Variants in PADI2 observed in about 807,000 individuals in gnomAD.
PADI2 encodes the protein protein-arginine deiminase type-2.
Under a neutral mutation model 81.1 loss-of-function variants are expected in PADI2, and 70 were observed. That is an observed-to-expected ratio of 0.86 (90% confidence interval 0.71 to 1.05). The LOEUF is 1.05. Ranked by LOEUF, PADI2 falls within the 50% of genes least tolerant of loss-of-function variation. PADI2 has a pLI of 0.00. For missense variants in PADI2, 853 were observed against 889.9 expected (o/e 0.96, Z 0.53); for synonymous variants, 338 against 358.0 (o/e 0.94, Z 0.63).
Position 17,119,419 on chromosome 1 carries a change from C to A in PADI2, c.-48G>T. 3 of 1,406,060 alleles carry A rather than the reference C, an allele frequency of 2.1e-6. No individual in the cohort carries two copies. The highest frequency in any genetic ancestry group is 1.9e-6 in the Non-Finnish European group (2 of 1,039,954). 87.1% of individuals were successfully genotyped at this position (1,406,060 alleles called of 1,614,324 possible). The stretch of plus-strand genomic sequence containing the variant: ...CTCGCTGGTCCGGGGCGGCCGGGAG[C>A]ACCTGCAGCAGGTGCGCCTTCTCCA... On this transcript the variant is annotated 5_prime_UTR_variant, in exon 1 of 16. Transcript: ENST00000375486. This position sits in a 1 kb window ranked among gnomAD's most constrained non-coding sequence, Gnocchi z 4.8.
At chr1:17,080,669 C>T (rs1197685411) in intron 10 of PADI2, among the ~76,000 whole-genome samples, 1 of 152,246 alleles carries the variant, frequency 6.6e-6, no homozygotes, top group Non-Finnish European at 1.5e-5. Flanking sequence ...GAGGAAGCCT[C>T]AGAACCCTTC....
chr1:17,104,536 G>C (rs554081339), intron 2 of PADI2, among the ~76,000 whole-genome samples: 1 of 133,484 alleles, frequency 7.5e-6, no homozygotes, highest in South Asian at 2.6e-4. Flanking sequence ...CCGGGTTCAC[G>C]CCATTCTCCT....
chr1:17,099,955 A>C (rs1480049686), intron 3 of PADI2, among the ~76,000 whole-genome samples: 1 of 152,170 alleles, frequency 6.6e-6, no homozygotes, highest in Non-Finnish European at 1.5e-5. Context: ...CTTTCTGCTC[A>C]ATGTGGACTC....
chr1:17,086,760 G>T (rs976423149), intron 6 of PADI2, 61 bp from the exon 7 acceptor site: 1 of 1,467,172 alleles, frequency 6.8e-7, no homozygotes, highest in East Asian at 2.3e-5. Flanking sequence ...CGGTGGGGTG[G>T]GATCACCGAT....
Position 17,089,812 on chromosome 1 carries a change from T to C in PADI2, c.655+2596A>G, listed in dbSNP as rs190772994. Among the ~76,000 whole-genome samples, 11 of 152,342 alleles carry C rather than the reference T, an allele frequency of 7.2e-5. No individual in the cohort carries two copies. The East Asian group carries it at 1.7e-3, about 24-fold the overall frequency. ...CGCTCTATTGAGTGGTCCTCGTGCCTTGGGCTGGGCCCACTGACCACCGTG... is the reference window on the plus strand; with the variant it reads ...CGCTCTATTGAGTGGTCCTCGTGCCCTGGGCTGGGCCCACTGACCACCGTG... On this transcript the variant is annotated intron_variant, in intron 6 of 15. Transcript: ENST00000375486.
chr1:17,092,338 C>T, intron 6 of PADI2, 70 bp downstream of exon 6: 1 of 1,368,786 alleles, frequency 7.3e-7, no homozygotes, highest in Non-Finnish European at 1.0e-6. Flanking sequence ...CCTGTGAAGG[C>T]CACAACTGCT....
intron 12 of PADI2, 120 bp from the exon 13 acceptor site, chr1:17,075,069 G>A (rs968060918): frequency 2.5e-5 from 15 of 594,886 alleles, no homozygotes; most frequent in South Asian, 1.0e-4. Flanking sequence ...CTCCCATGCC[G>A]AGTGGCAAAG....
intron 14 of PADI2, 97 bp downstream of exon 14, chr1:17,071,309 C>A: frequency 1.2e-6 from 1 of 860,522 alleles, no homozygotes; most frequent in South Asian, 1.4e-5. Flanking sequence ...AGCTCCTGAG[C>A]CCTTGGCCAT....
chr1:17,080,654 G>A lies in PADI2; in HGVS notation c.1159-1239C>T, dbSNP rs1480984157. On this transcript the variant is annotated intron_variant, in intron 10 of 15. Coordinates refer to ENST00000375486, the MANE Select transcript of PADI2 (RefSeq NM_007365.3). ...CTCAACCTGCCAGACTTGCCACTGAGCCCAGAGGAAGCCTCAGAACCCTTC... is the reference window on the plus strand; with the variant it reads ...CTCAACCTGCCAGACTTGCCACTGAACCCAGAGGAAGCCTCAGAACCCTTC... 2.0e-5 allele frequency among the ~76,000 whole-genome samples: 3 copies of A among 152,322 alleles called. No individual in the cohort carries two copies. In the East Asian group the frequency reaches 5.8e-4, roughly 29 times the overall value.
chr1:17,110,176 C>T (rs1000324623), intron 1 of PADI2, among the ~76,000 whole-genome samples: 10 of 152,120 alleles, frequency 6.6e-5, no homozygotes, highest in East Asian at 1.9e-4. Flanking sequence ...CGCAGAAACC[C>T]GAGAGCCAGG....
At chr1:17,070,307 A>G in intron 14 of PADI2, 91 bp from the exon 15 acceptor site, 1 of 1,546,258 alleles carries the variant, frequency 6.5e-7, no homozygotes, top group South Asian at 1.2e-5. Context: ...GCACCAGGCC[A>G]GGGGCCCCGG....
chr1:17,075,549 C>T, intron 12 of PADI2, 130 bp downstream of exon 12: 1 of 834,562 alleles, frequency 1.2e-6, no homozygotes, highest in Non-Finnish European at 1.8e-6. Context: ...ACATGCAAAC[C>T]AGCTTCAGCC....
chr1:17,116,969 C>A (rs1215499154), intron 1 of PADI2, among the ~76,000 whole-genome samples: 1 of 152,198 alleles, frequency 6.6e-6, no homozygotes, highest in Non-Finnish European at 1.5e-5. Context: ...GTGATTTTGC[C>A]CCCTGCCAGG....
At chr1:17,114,237 C>A (rs997324505) in intron 1 of PADI2, among the ~76,000 whole-genome samples, 1 of 152,226 alleles carries the variant, frequency 6.6e-6, no homozygotes, top group Non-Finnish European at 1.5e-5. Flanking sequence ...GGGAGCTCAG[C>A]CCCATGACAG....
chr1:17,088,130 G>A (rs1310016152), intron 6 of PADI2, among the ~76,000 whole-genome samples: 1 of 152,054 alleles, frequency 6.6e-6, no homozygotes, highest in African/African-American at 2.4e-5. Context: ...GTTACTTGGG[G>A]TAGGGTGGGG....
Position 17,092,360 on chromosome 1 carries a change from G to A in PADI2, c.655+48C>T, listed in dbSNP as rs766691992. 14 of 1,510,180 alleles carry A rather than the reference G, an allele frequency of 9.3e-6. No homozygotes were observed. In the South Asian group the frequency reaches 1.5e-4, roughly 16 times the overall value. The allele number at this position is 1,510,180 out of a possible 1,614,324, so 93.5% of individuals were successfully genotyped here. Reference sequence around the variant, plus strand: ...AGGCCACAACTGCTAAGGGGAGGAGGGTAGGTGGCTAGAAAGGTCTAGGCT... The same window carrying A: ...AGGCCACAACTGCTAAGGGGAGGAGAGTAGGTGGCTAGAAAGGTCTAGGCT... On this transcript the variant is annotated intron_variant, in intron 6 of 15. Transcript: ENST00000375486.
chr1:17,089,260 C>A (rs778532357), intron 6 of PADI2, among the ~76,000 whole-genome samples: 8 of 152,212 alleles, frequency 5.3e-5, no homozygotes, highest in Non-Finnish European at 8.8e-5. Flanking sequence ...GTCCTGCTCA[C>A]CCAGAAACAA....
Position 17,109,402 on chromosome 1 carries a change from A to G in PADI2, c.93-4341T>C, listed in dbSNP as rs987417062. Among the ~76,000 whole-genome samples, 71 of 134,622 alleles carry G rather than the reference A, an allele frequency of 5.3e-4. 1 individual carries two copies. The highest frequency in any genetic ancestry group is 1.7e-3 in the African/African-American group (68 of 39,012). 88.3% of individuals were successfully genotyped at this position (134,622 alleles called of 152,430 possible). A position where few individuals can be genotyped will look rare whatever the true frequency, so the allele number is the denominator to read the frequency against. On this transcript the variant is annotated intron_variant, in intron 1 of 15. Coordinates refer to ENST00000375486, the MANE Select transcript of PADI2 (RefSeq NM_007365.3). ...GACTCTGTCTATTAAAAAAAAAAAA[A>G]AAAAAAAAAAAAAAGCTTGGGATAT...
In PADI2 at chr1:17,092,972, A is replaced by T. The variant is rs1166137269; in HGVS notation, c.530-439T>A. 2.0e-5 allele frequency among the ~76,000 whole-genome samples: 3 copies of T among 151,780 alleles called. No individual in the cohort carries two copies. The East Asian group carries it at 5.8e-4, about 29-fold the overall frequency. ...TCAAAAAAAAAAAAAAAGAAAAAAA[A>T]AGAAAAAGAAAAAAGCAAAGCATAA... On this transcript the variant is annotated intron_variant, in intron 5 of 15. Coordinates refer to ENST00000375486, the MANE Select transcript of PADI2 (RefSeq NM_007365.3).
Sources: gnomAD v4.1 joint callset for allele counts (sites outside exome capture counted in the v4.1 genomes callset) on GRCh38, gnomAD v4.1.1 for gene constraint, Gnocchi (gnomAD v3.1) non-coding constraint, MANE v1.5 for transcripts, NCBI Gene and HGNC (gene_info 2026-07-23, HGNC 2026-07-21) for gene names.